The following LDAH variants were observed in gnomAD, a reference collection of about 807,000 sequenced individuals.
LDAH encodes the protein lipid droplet-associated hydrolase.
A neutral mutation model predicts 29.6 loss-of-function variants in LDAH; 26 were observed. That is an observed-to-expected ratio of 0.88 (90% confidence interval 0.64 to 1.22). LDAH has a LOEUF of 1.22. Ranked by LOEUF, LDAH falls within the 50% of genes most tolerant of loss-of-function variation. LDAH has a pLI of 0.00. For missense variants in LDAH, 344 were observed against 387.3 expected (o/e 0.89, Z 0.94); for synonymous variants, 117 against 133.0 (o/e 0.88, Z 0.83).
downstream of LDAH, among the ~76,000 whole-genome samples, chr2:20,682,654 G>A (rs999807292): frequency 2.6e-5 from 4 of 152,188 alleles, no homozygotes; most frequent in Non-Finnish European, 5.9e-5. Context: ...GCCTAATATT[G>A]TGGCTTTTTA....
chr2:20,816,003 G>A (rs492399), intron 1 of LDAH, among the ~76,000 whole-genome samples: 127,715 of 152,022 alleles, frequency 0.84, 56,531 homozygotes, highest in East Asian at 1. Flanking sequence ...GGGAAAAGGA[G>A]AAAGGACCTA....
chr2:20,761,168 G>A (rs1668661935), intron 4 of LDAH, among the ~76,000 whole-genome samples: 1 of 152,100 alleles, frequency 6.6e-6, no homozygotes, highest in Admixed American at 6.5e-5. Context: ...GTTTCCTTAA[G>A]GTCAATGCAG....
chr2:20,743,975 A>G (rs1667393193), intron 4 of LDAH, among the ~76,000 whole-genome samples: 1 of 151,476 alleles, frequency 6.6e-6, no homozygotes, highest in Non-Finnish European at 1.5e-5. Context: ...TTCTTCAGCC[A>G]TGTTCAATCT....
intron 4 of LDAH, among the ~76,000 whole-genome samples, chr2:20,767,244 C>G (rs1669104086): frequency 6.6e-6 from 1 of 152,234 alleles, no homozygotes; most frequent in Admixed American, 6.5e-5. Flanking sequence ...CAGCCCAAGA[C>G]AAGGCTGTGG....
chr2:20,751,807 G>C (rs1027417598), intron 4 of LDAH, among the ~76,000 whole-genome samples: 7 of 152,202 alleles, frequency 4.6e-5, no homozygotes, highest in African/African-American at 1.7e-4. Context: ...TTTGCTTAGA[G>C]CTAAGAGAAA....
intron 4 of LDAH, among the ~76,000 whole-genome samples, chr2:20,762,126 T>C (rs1196605831): frequency 1.3e-5 from 2 of 152,098 alleles, no homozygotes; most frequent in Non-Finnish European, 2.9e-5. Flanking sequence ...CTTTTGCAAA[T>C]ATAATTTTAA....
intron 5 of LDAH, among the ~76,000 whole-genome samples, chr2:20,735,843 C>CTAGG (rs2149432290): frequency 6.6e-6 from 1 of 152,212 alleles, no homozygotes; most frequent in East Asian, 1.9e-4. Flanking sequence ...TGACTCTGTA[C>CTAGG]TAGGCTTCCA....
At position 20,800,591 on chromosome 2, in the gene LDAH, T is replaced by G. The variant is rs1442149170; in HGVS notation, c.154+719A>C. On this transcript the variant is annotated intron_variant, in intron 2 of 6. Coordinates refer to ENST00000237822, the MANE Select transcript of LDAH (RefSeq NM_021925.4). ...TTACAAGTGACTCAGCTGCCAAATATCAGAATATTCTAATTTTTAATTTTT... is the reference window on the plus strand; with the variant it reads ...TTACAAGTGACTCAGCTGCCAAATAGCAGAATATTCTAATTTTTAATTTTT... Among the ~76,000 whole-genome samples the G allele has an allele frequency of 3.9e-5, 6 of 152,150 alleles. No individual in the cohort carries two copies. In the East Asian group the frequency reaches 1.2e-3, roughly 29 times the overall value.
chr2:20,756,155 C>A (rs1158541870), intron 4 of LDAH, among the ~76,000 whole-genome samples: 1 of 152,144 alleles, frequency 6.6e-6, no homozygotes, highest in African/African-American at 2.4e-5. Context: ...CTGTCTCAGC[C>A]TCCCAAGTAG....
At chr2:20,808,618 A>G (rs1174288688) in intron 1 of LDAH, among the ~76,000 whole-genome samples, 1 of 151,310 alleles carries the variant, frequency 6.6e-6, no homozygotes, top group Non-Finnish European at 1.5e-5. Flanking sequence ...AGATCATGCC[A>G]CTGCACTCCA....
intron 2 of LDAH, 23 bp from the exon 3 acceptor site, chr2:20,790,421 T>C: frequency 6.2e-7 from 1 of 1,604,262 alleles, no homozygotes; most frequent in Non-Finnish European, 8.5e-7. Context: ...ACACAGACCT[T>C]AGATTAATCA....
intron 5 of LDAH, 123 bp downstream of exon 5, chr2:20,739,848 T>C (rs1667047864): frequency 1.6e-6 from 1 of 642,906 alleles, no homozygotes; most frequent in South Asian, 2.6e-5. Flanking sequence ...TTTTAAACTT[T>C]TGGAAGAGGA....
intron 4 of LDAH, among the ~76,000 whole-genome samples, chr2:20,753,417 T>C (rs565908227): frequency 4.6e-5 from 7 of 152,220 alleles, no homozygotes; most frequent in African/African-American, 9.6e-5. Flanking sequence ...AATACAACTA[T>C]CACTGGCTGA....
chr2:20,755,863 T>C (rs1307086564), intron 4 of LDAH, among the ~76,000 whole-genome samples: 1 of 152,160 alleles, frequency 6.6e-6, no homozygotes, highest in East Asian at 1.9e-4. Flanking sequence ...ATAAGTGGTT[T>C]GAAAATGTTT....
chr2:20,775,016 A>G, intron 3 of LDAH, 37 bp from the exon 4 acceptor site: 5 of 1,523,440 alleles, frequency 3.3e-6, no homozygotes, highest in Non-Finnish European at 4.5e-6. Context: ...TCATTAAGTA[A>G]AAGTAATCAC....
At chr2:20,765,120 AT>A (rs1668940355) in intron 4 of LDAH, among the ~76,000 whole-genome samples, 1 of 152,182 alleles carries the variant, frequency 6.6e-6, no homozygotes, top group South Asian at 2.1e-4. Context: ...GAAAAATTCC[AT>A]TTTCCAAGTT....
chr2:20,773,268 C>G (rs939982728), intron 4 of LDAH, among the ~76,000 whole-genome samples: 1 of 150,810 alleles, frequency 6.6e-6, no homozygotes, highest in African/African-American at 2.4e-5. Context: ...GGTTGAGACT[C>G]AAAACTAAAG....
intron 5 of LDAH, among the ~76,000 whole-genome samples, chr2:20,705,130 G>T (rs1664211748): frequency 6.6e-6 from 1 of 152,214 alleles, no homozygotes; most frequent in Admixed American, 6.6e-5. Flanking sequence ...ATGTTTACAT[G>T]TCTAATTTTT....
At chr2:20,704,030 T>C (rs529013799) in intron 5 of LDAH, among the ~76,000 whole-genome samples, 1 of 152,194 alleles carries the variant, frequency 6.6e-6, no homozygotes, top group Non-Finnish European at 1.5e-5. Flanking sequence ...GCCTATTTTA[T>C]GTAAAATTCA....
Sources: gnomAD v4.1 joint callset for allele counts (sites outside exome capture counted in the v4.1 genomes callset) on GRCh38, gnomAD v4.1.1 for gene constraint, MANE v1.5 for transcripts, NCBI Gene and HGNC (gene_info 2026-07-23, HGNC 2026-07-21) for gene names.